FXN: variants seen among roughly 807,000 people sequenced by gnomAD.
FXN encodes frataxin, mitochondrial.
In FXN, 14 loss-of-function variants were observed where a neutral mutation model predicts 22.4. The ratio of observed to expected loss-of-function variants is 0.62; its 90% confidence interval spans 0.41 to 0.98. The LOEUF (loss-of-function observed/expected upper bound fraction) is 0.98, where lower values mean the gene tolerates loss of function less well. FXN is among the 50% of genes least tolerant of loss of function. The pLI, the probability that FXN is intolerant of heterozygous loss-of-function variation, is 0.00. For missense variants in FXN, 267 were observed against 268.4 expected, an observed-to-expected ratio of 0.99 and a Z score of 0.04; for synonymous variants, 120 against 114.1, an observed-to-expected ratio of 1.05 and a Z score of -0.33.
At chr9:69,065,177 G>C in intron 4 of FXN, 142 bp downstream of exon 4, 1 of 704,616 alleles carries the variant, frequency 1.4e-6, no homozygotes, top group Non-Finnish European at 2.6e-6. Context: ...GAGGTAGGAG[G>C]ATCACTTGAG....
chr9:69,055,550 G>A (rs1178872216), intron 3 of FXN, among the ~76,000 whole-genome samples: 2 of 149,940 alleles, frequency 1.3e-5, no homozygotes, highest in African/African-American at 4.9e-5. Flanking sequence ...CTGGAGTGCA[G>A]TTGTGTGATC....
intron 3 of FXN, among the ~76,000 whole-genome samples, chr9:69,061,646 G>T (rs10869789): frequency 0.62 from 91,579 of 148,832 alleles, 28,776 homozygotes; most frequent in African/African-American, 0.72. Flanking sequence ...ATTAGGTATA[G>T]CTCCTAAAGC....
chr9:69,036,852 A>G (rs1831559351), intron 1 of FXN, among the ~76,000 whole-genome samples: 1 of 152,114 alleles, frequency 6.6e-6, no homozygotes, highest in Non-Finnish European at 1.5e-5. Context: ...GTATTTAATG[A>G]GGGTCTTGAA....
Position 69,075,382 on chromosome 9 carries a change from C to T in FXN, c.*2620C>T, listed in dbSNP as rs1161016727. 1 of 712,802 alleles carries T rather than the reference C, an allele frequency of 1.4e-6. No individual in the cohort carries two copies. 44.2% of individuals were successfully genotyped at this position (712,802 alleles called of 1,614,324 possible). A position where few individuals can be genotyped will look rare whatever the true frequency, so the allele number is the denominator to read the frequency against. Reference sequence around the variant, plus strand: ...GGCTGAGGCAGGAGAATCGCTGTAACCTGGGGGGTGGAGGTTGCAGTGAGA... The same window carrying T: ...GGCTGAGGCAGGAGAATCGCTGTAATCTGGGGGGTGGAGGTTGCAGTGAGA... On this transcript the variant is annotated 3_prime_UTR_variant, in exon 5 of 5. Coordinates refer to ENST00000484259, the MANE Select transcript of FXN (RefSeq NM_000144.5).
At chr9:69,035,984 GC>G in intron 1 of FXN, 37 bp downstream of exon 1, 1 of 1,380,396 alleles carries the variant, frequency 7.2e-7, no homozygotes, top group South Asian at 1.5e-5. Context: ...CGGGCCGCAC[GC>G]CGCGGGCCGC....
rs1402236415 is a variant in FXN at position 69,073,798 on chromosome 9, A to T, written c.*1036A>T. The stretch of plus-strand genomic sequence containing the variant: ...GTTCTAATTCCCTATTGGGTAGATG[A>T]GGGGATGACAAAGAACAGTTTTTAA... On this transcript the variant is annotated 3_prime_UTR_variant, in exon 5 of 5. Transcript: ENST00000484259. 3 of 985,230 alleles carry T rather than the reference A, an allele frequency of 3.0e-6. No individual in the cohort carries two copies. The highest frequency in any genetic ancestry group is 3.6e-6 in the Non-Finnish European group (3 of 829,896). 61.0% of individuals were successfully genotyped at this position (985,230 alleles called of 1,614,324 possible). A position where few individuals can be genotyped will look rare whatever the true frequency, so the allele number is the denominator to read the frequency against.
intron 3 of FXN, among the ~76,000 whole-genome samples, chr9:69,059,433 T>C (rs947225206): frequency 8.4e-6 from 1 of 118,376 alleles, no homozygotes; most frequent in South Asian, 3.1e-4. Context: ...GAGATCTCAC[T>C]CTGTCACCCA....
chr9:69,077,297 G>GA lies in FXN; in HGVS notation c.*4537dup, dbSNP rs748529752. 1.0e-6 allele frequency: 1 copy of GA among 985,384 alleles called. No individual in the cohort carries two copies. The highest frequency in any genetic ancestry group is 1.2e-6 in the Non-Finnish European group (1 of 829,900). 61.0% of individuals were successfully genotyped at this position (985,384 alleles called of 1,614,324 possible). ...AAGTACCTGATCAGTGGCCCCTTTG[G>GA]AATGTGTAAAACTCAGCTCACTTAT... On this transcript the variant is annotated 3_prime_UTR_variant, in exon 5 of 5. Transcript: ENST00000484259.
At chr9:69,036,433 A>G (rs1831552808) in intron 1 of FXN, among the ~76,000 whole-genome samples, 1 of 152,212 alleles carries the variant, frequency 6.6e-6, no homozygotes, top group African/African-American at 2.4e-5. Context: ...TAATATTTTC[A>G]AGGCTGGATT....
At chr9:69,037,486 A>C (rs1831585554) in intron 1 of FXN, among the ~76,000 whole-genome samples, 1 of 151,950 alleles carries the variant, frequency 6.6e-6, no homozygotes, top group Non-Finnish European at 1.5e-5. Context: ...ATAATAAATA[A>C]AAATAAAAAA....
chr9:69,070,657 G>A (rs1179051796), intron 4 of FXN, among the ~76,000 whole-genome samples: 1 of 152,072 alleles, frequency 6.6e-6, no homozygotes, highest in Non-Finnish European at 1.5e-5. Context: ...TCTTATTGAA[G>A]TTTGATTGAT....
intron 3 of FXN, among the ~76,000 whole-genome samples, chr9:69,062,217 T>G (rs1587826811): frequency 6.6e-6 from 1 of 152,196 alleles, no homozygotes; most frequent in East Asian, 1.9e-4. Flanking sequence ...GCTCAAGCGA[T>G]TCTCCCACCT....
At chr9:69,071,616 G>A (rs1832276112) in intron 4 of FXN, among the ~76,000 whole-genome samples, 1 of 152,254 alleles carries the variant, frequency 6.6e-6, no homozygotes, top group Admixed American at 6.5e-5. Flanking sequence ...CATTCCCAAA[G>A]CAACGTGCAT....
intron 1 of FXN, among the ~76,000 whole-genome samples, chr9:69,043,103 G>C (rs892211638): frequency 3.3e-5 from 5 of 152,190 alleles, no homozygotes; most frequent in Non-Finnish European, 7.3e-5. Context: ...TCGTTTCAAA[G>C]ATGTGTGCAG....
At position 69,074,524 on chromosome 9, in the gene FXN, A is replaced by AC. The variant is rs1459391082; in HGVS notation, c.*1762_*1763insC. On this transcript the variant is annotated 3_prime_UTR_variant, in exon 5 of 5. Transcript: ENST00000484259. ...GACAGAGCGAGACTCCGTCTCAAAA[A>AC]AAAAAAAAAGGAGGGTTTATTAATG... is the stretch of plus-strand genomic sequence containing the variant. 1 of 948,114 alleles carries AC rather than the reference A, an allele frequency of 1.1e-6. No homozygotes were observed. The highest frequency in any genetic ancestry group is 1.2e-6 in the Non-Finnish European group (1 of 816,624). 58.7% of individuals were successfully genotyped at this position (948,114 alleles called of 1,614,324 possible). A position where few individuals can be genotyped will look rare whatever the true frequency, so the allele number is the denominator to read the frequency against.
Position 69,051,572 on chromosome 9 carries a change from T to G in FXN, c.264-1568T>G, listed in dbSNP as rs541395357. Among the ~76,000 whole-genome samples the G allele has an allele frequency of 4.8e-3, 724 of 152,310 alleles. 4 individuals are homozygous for G. The highest frequency in any genetic ancestry group is 7.7e-3 in the Non-Finnish European group (522 of 68,026). ...ATAGTTAAGGCCAAAAATATAAAGTTGACATTGCTACCTTATCTTCAGCCC... is the reference window on the plus strand; with the variant it reads ...ATAGTTAAGGCCAAAAATATAAAGTGGACATTGCTACCTTATCTTCAGCCC... On this transcript the variant is annotated intron_variant, in intron 2 of 4. Coordinates refer to ENST00000484259, the MANE Select transcript of FXN (RefSeq NM_000144.5).
intron 2 of FXN, among the ~76,000 whole-genome samples, chr9:69,048,884 C>T (rs901962629): frequency 1.3e-5 from 2 of 152,216 alleles, no homozygotes; most frequent in East Asian, 1.9e-4. Context: ...CTGAGCCTCC[C>T]GCCTGCGGTG....
intron 1 of FXN, among the ~76,000 whole-genome samples, chr9:69,037,327 G>A (rs936702003): frequency 1.4e-5 from 2 of 139,590 alleles, no homozygotes; most frequent in Non-Finnish European, 1.6e-5. Flanking sequence ...TTAGCCGGGC[G>A]TGGTGTCGCG....
chr9:69,065,119 G>T, intron 4 of FXN, 84 bp downstream of exon 4: 1 of 1,090,122 alleles, frequency 9.2e-7, no homozygotes, highest in Non-Finnish European at 1.4e-6. Context: ...AAGAAATGTC[G>T]GCTGAGCACA....
Sources: gnomAD v4.1 joint callset for allele counts (sites outside exome capture counted in the v4.1 genomes callset) on GRCh38, gnomAD v4.1.1 for gene constraint, MANE v1.5 for transcripts, NCBI Gene and HGNC (gene_info 2026-07-23, HGNC 2026-07-21) for gene names.